The following SETDB1 variants were observed in gnomAD, a reference collection of about 807,000 sequenced individuals.
SETDB1 encodes the protein SET domain bifurcated histone lysine methyltransferase 1, also known as histone-lysine N-methyltransferase SETDB1.
SETDB1 carries 31 observed loss-of-function variants against 137.4 expected under a neutral mutation model. The ratio of observed to expected loss-of-function variants is 0.23; its 90% CI spans 0.17 to 0.30. The LOEUF is 0.30. Ranked by LOEUF, SETDB1 falls within the 10% of genes least tolerant of loss-of-function variation. The pLI, the probability that SETDB1 is intolerant of heterozygous loss-of-function variation, is 1.00. For synonymous variants in SETDB1, 548 were observed against 579.9 expected (o/e 0.95, Z 0.79); for missense variants, 1,113 against 1,631.5 (o/e 0.68, Z 5.47).
At chr1:150,929,384 T>C (rs77219880) in intron 2 of SETDB1, among the ~76,000 whole-genome samples, 1 of 119,020 alleles carries the variant, frequency 8.4e-6, no homozygotes, top group Non-Finnish European at 2.1e-5. Context: ...TATTTTATTT[T>C]ATTTTTTTTT....
chr1:150,928,198 T>C (rs113624351), intron 2 of SETDB1: 5,416 of 534,504 alleles, frequency 0.01, 41 homozygotes, highest in Non-Finnish European at 0.012. Flanking sequence ...GCTGGAATTA[T>C]AGGCATCCGC....
chr1:150,952,009 G>T (rs1057172273), intron 14 of SETDB1, among the ~76,000 whole-genome samples: 3 of 151,980 alleles, frequency 2.0e-5, no homozygotes, highest in African/African-American at 7.3e-5. Context: ...TTAGCCGGGG[G>T]TGGTGGCGGG....
chr1:150,956,091 C>T (rs1384311868), intron 14 of SETDB1, among the ~76,000 whole-genome samples: 1 of 101,184 alleles, frequency 9.9e-6, no homozygotes, highest in Admixed American at 1.1e-4. Context: ...GACTTCGTCT[C>T]AAAAAAAAAA....
At chr1:150,963,378 A>C (rs1170338786) in intron 19 of SETDB1, 152 bp from the exon 20 acceptor site, 1 of 830,476 alleles carries the variant, frequency 1.2e-6, no homozygotes, top group East Asian at 2.4e-5. Flanking sequence ...TGCTTGAAAA[A>C]AAAACCTGCT....
intron 15 of SETDB1, among the ~76,000 whole-genome samples, chr1:150,959,893 T>A (rs1670767287): frequency 6.7e-6 from 1 of 149,974 alleles, no homozygotes; most frequent in Non-Finnish European, 1.5e-5. Flanking sequence ...CCAACATAGT[T>A]GAAACCCCAT....
chr1:150,942,139 C>CAAA (rs940063526), intron 5 of SETDB1, among the ~76,000 whole-genome samples: 2 of 86,000 alleles, frequency 2.3e-5, no homozygotes, highest in Non-Finnish European at 4.7e-5. Context: ...GACTCCATCT[C>CAAA]AAAAAAAAAA....
chr1:150,929,238 C>T (rs141412530), intron 2 of SETDB1, among the ~76,000 whole-genome samples: 165 of 152,302 alleles, frequency 1.1e-3, no homozygotes, highest in African/African-American at 3.8e-3. Context: ...TGTTTCTCTA[C>T]ATCCTCTCCA....
At chr1:150,928,385 C>T (rs1233022870) in intron 2 of SETDB1, among the ~76,000 whole-genome samples, 1 of 152,202 alleles carries the variant, frequency 6.6e-6, no homozygotes, top group Non-Finnish European at 1.5e-5. Flanking sequence ...TAATTTTCAT[C>T]TGTCAGCAGC....
chr1:150,929,950 A>G lies in SETDB1; in HGVS notation c.261-17A>G. ...CTCTACTGGCTTTGACCTTTTCTGC[A>G]TGTGTTCCAATATTAGGGCAGTGAC... is the stretch of plus-strand genomic sequence containing the variant. On this transcript the variant is annotated splice_polypyrimidine_tract_variant and intron_variant, in intron 2 of 21. Transcript: ENST00000692827. 2 of 1,608,924 alleles carry G rather than the reference A, an allele frequency of 1.2e-6. No individual in the cohort carries two copies. The highest frequency in any genetic ancestry group is 2.2e-5 in the South Asian group (2 of 90,392).
chr1:150,930,331 C>T, intron 3 of SETDB1: 5 of 462,986 alleles, frequency 1.1e-5, no homozygotes, highest in Non-Finnish European at 1.9e-5. Context: ...CTTTGCTTTC[C>T]TCATTCTGTG....
chr1:150,942,715 C>G (rs1461305175), intron 6 of SETDB1, 27 bp downstream of exon 6: 3 of 1,606,432 alleles, frequency 1.9e-6, no homozygotes, highest in Non-Finnish European at 2.6e-6. Context: ...AGGAACCACT[C>G]CTGAAAGGCA....
At chr1:150,959,034 A>G (rs1670739588) in intron 14 of SETDB1, 144 bp from the exon 15 acceptor site, 2 of 577,830 alleles carry the variant, frequency 3.5e-6, no homozygotes, top group East Asian at 7.1e-5. Flanking sequence ...CAATAGATCC[A>G]CTCACTTAGA....
intron 9 of SETDB1, 79 bp downstream of exon 9, chr1:150,945,187 T>C: frequency 1.3e-6 from 2 of 1,584,076 alleles, no homozygotes; most frequent in East Asian, 2.3e-5. Flanking sequence ...GATGGTTTTA[T>C]AGCTATTCCA....
At chr1:150,945,154 G>T in intron 9 of SETDB1, 46 bp downstream of exon 9, 3 of 1,610,904 alleles carry the variant, frequency 1.9e-6, no homozygotes, top group Non-Finnish European at 2.5e-6. Context: ...TGGTGGGGGG[G>T]GAACTTAAGA....
At chr1:150,933,028 G>A (rs1669812260) in intron 3 of SETDB1, among the ~76,000 whole-genome samples, 1 of 150,744 alleles carries the variant, frequency 6.6e-6, no homozygotes, top group Admixed American at 6.8e-5. Flanking sequence ...AATATACTTT[G>A]TATAATTTTA....
At chr1:150,943,777 A>G (rs1670234476) in intron 7 of SETDB1, 143 bp from the exon 8 acceptor site, 1 of 572,618 alleles carries the variant, frequency 1.7e-6, no homozygotes, top group South Asian at 2.5e-5. Flanking sequence ...GAAAAACAGG[A>G]AGAAAGTAGT....
chr1:150,943,266 A>G (rs1444595521), intron 7 of SETDB1, among the ~76,000 whole-genome samples: 1 of 152,160 alleles, frequency 6.6e-6, no homozygotes, highest in Non-Finnish European at 1.5e-5. Flanking sequence ...CAAAGAGAAA[A>G]CTAGGAAGAG....
At chr1:150,945,654 T>C (rs1670299310) in intron 9 of SETDB1, among the ~76,000 whole-genome samples, 1 of 152,206 alleles carries the variant, frequency 6.6e-6, no homozygotes, top group Non-Finnish European at 1.5e-5. Context: ...TTAGAAGTTA[T>C]ATTTCTTCTT....
chr1:150,941,959 G>T (rs190717649), intron 5 of SETDB1, among the ~76,000 whole-genome samples: 393 of 151,772 alleles, frequency 2.6e-3, no homozygotes, highest in Non-Finnish European at 4.4e-3. Flanking sequence ...GACCAACATG[G>T]TGAAACTCTG....
Sources: allele counts gnomAD v4.1 joint callset (sites outside exome capture counted in the v4.1 genomes callset), GRCh38; gene constraint gnomAD v4.1.1; transcripts MANE v1.5; gene names NCBI Gene and HGNC (gene_info 2026-07-23, HGNC 2026-07-21).